The following HIVEP3 variants were observed in gnomAD, a reference collection of about 807,000 sequenced individuals.
HIVEP3 encodes the protein HIVEP zinc finger 3.
HIVEP3 carries 49 observed loss-of-function variants against 152.8 expected under a neutral mutation model. The ratio of observed to expected loss-of-function variants is 0.32; its 90% CI spans 0.26 to 0.41. The LOEUF (loss-of-function observed/expected upper bound fraction) is 0.41. Ranked by LOEUF, HIVEP3 falls within the 10% of genes least tolerant of loss-of-function variation. HIVEP3 has a pLI of 1.00. For synonymous variants in HIVEP3, 1,269 were observed against 1,289.0 expected (o/e 0.98, Z 0.33); for missense variants, 2,790 against 3,103.3 (o/e 0.90, Z 2.40).
intron 1 of HIVEP3, among the ~76,000 whole-genome samples, chr1:41,781,226 C>T (rs2124282530): frequency 6.6e-6 from 1 of 152,216 alleles, no homozygotes. Flanking sequence ...TGAAGGGGTC[C>T]CTATCTTACC....
intron 1 of HIVEP3, among the ~76,000 whole-genome samples, chr1:41,798,938 A>G (rs1469561730): frequency 6.6e-6 from 1 of 152,122 alleles, no homozygotes; most frequent in Non-Finnish European, 1.5e-5. Context: ...TGTTGACATG[A>G]AGAAATTCCT....
intron 1 of HIVEP3, among the ~76,000 whole-genome samples, chr1:41,960,403 T>C (rs1645163433): frequency 6.6e-6 from 1 of 152,094 alleles, no homozygotes; most frequent in Non-Finnish European, 1.5e-5. Context: ...GAGGCAACAG[T>C]TGCCTTAACT....
intron 2 of HIVEP3, among the ~76,000 whole-genome samples, chr1:41,674,076 C>G (rs1156729055): frequency 6.6e-6 from 1 of 152,258 alleles, no homozygotes; most frequent in Non-Finnish European, 1.5e-5. Context: ...GCCGACCTCC[C>G]CAGAGGGGCT....
intron 1 of HIVEP3, among the ~76,000 whole-genome samples, chr1:42,021,620 A>T (rs1201727153): frequency 6.6e-6 from 1 of 152,134 alleles, no homozygotes; most frequent in East Asian, 1.9e-4. Context: ...TAAACTTAGG[A>T]GTCATGTGCA....
At chr1:41,993,021 C>A (rs348130) in intron 1 of HIVEP3, among the ~76,000 whole-genome samples, 1 of 144,162 alleles carries the variant, frequency 6.9e-6, no homozygotes, top group Admixed American at 7.0e-5. Flanking sequence ...AAGACTTAAA[C>A]GTTAGACCTA....
chr1:41,946,539 T>C (rs936006362), intron 1 of HIVEP3, among the ~76,000 whole-genome samples: 1 of 152,154 alleles, frequency 6.6e-6, no homozygotes, highest in African/African-American at 2.4e-5. Context: ...TTTACTCTTT[T>C]CACATGCTTT....
chr1:41,816,452 C>T (rs979154831), intron 1 of HIVEP3, among the ~76,000 whole-genome samples: 12 of 152,118 alleles, frequency 7.9e-5, no homozygotes, highest in Non-Finnish European at 1.5e-4. Context: ...TTTGGGAGGT[C>T]GAGGTGGGTA....
At chr1:41,971,699 C>G (rs892361466) in intron 1 of HIVEP3, among the ~76,000 whole-genome samples, 3 of 152,230 alleles carry the variant, frequency 2.0e-5, no homozygotes, top group African/African-American at 7.2e-5. Flanking sequence ...AAGCCCTATT[C>G]TAAATCCACT....
chr1:41,815,043 G>C (rs187905759), intron 1 of HIVEP3, among the ~76,000 whole-genome samples: 2 of 152,204 alleles, frequency 1.3e-5, no homozygotes, highest in East Asian at 3.8e-4. Context: ...TAAATAAGAT[G>C]GTTCAGGTAA....
Position 41,508,640 on chromosome 1 carries a change from T to C in HIVEP3, c.*1811A>G, listed in dbSNP as rs1644408335. The stretch of plus-strand genomic sequence containing the variant: ...GACTGTGGCTGGTTTGTCTGTCTAG[T>C]AGGGACCAAGCAGGGAAAGGCCACG... On this transcript the variant is annotated 3_prime_UTR_variant, in exon 9 of 9. Transcript: ENST00000372583. The C allele has an allele frequency of 6.6e-6, 1 of 152,446 alleles. No homozygotes were observed. Among genetic ancestry groups the C allele is most frequent in the South Asian group, 2.1e-4 (1 of 4,826 alleles). The allele number at this position is 152,446 out of a possible 1,614,324, so 9.4% of individuals were successfully genotyped here. A position where few individuals can be genotyped will look rare whatever the true frequency, so the allele number is the denominator to read the frequency against.
intron 1 of HIVEP3, among the ~76,000 whole-genome samples, chr1:41,884,933 A>C (rs1294724712): frequency 6.6e-6 from 1 of 152,150 alleles, no homozygotes; most frequent in Admixed American, 6.5e-5. Context: ...TAGCCCAACC[A>C]TTCCTCTTCA....
intron 1 of HIVEP3, among the ~76,000 whole-genome samples, chr1:42,002,257 G>C (rs1225147678): frequency 6.6e-6 from 1 of 152,156 alleles, no homozygotes; most frequent in Non-Finnish European, 1.5e-5. Context: ...TCTATCAGCA[G>C]ATACCTTCAG....
intron 1 of HIVEP3, among the ~76,000 whole-genome samples, chr1:42,027,051 T>G (rs2124538617): frequency 6.6e-6 from 1 of 152,350 alleles, no homozygotes; most frequent in Non-Finnish European, 1.5e-5. Flanking sequence ...CTACTTTTGC[T>G]GTGAATAGAG....
At chr1:41,861,922 G>A (rs182218509) in intron 1 of HIVEP3, among the ~76,000 whole-genome samples, 7 of 152,246 alleles carry the variant, frequency 4.6e-5, no homozygotes, top group Non-Finnish European at 8.8e-5. Context: ...TGTTGGCAAC[G>A]GGAGAGAAAG....
chr1:41,544,927 CCAT>C (rs1172800918), intron 5 of HIVEP3, among the ~76,000 whole-genome samples: 1 of 105,262 alleles, frequency 9.5e-6, no homozygotes, highest in African/African-American at 4.0e-5. Context: ...TCTACCACCA[CCAT>C]CACCACCACC....
intron 1 of HIVEP3, among the ~76,000 whole-genome samples, chr1:41,859,370 T>C (rs962355227): frequency 6.6e-6 from 1 of 152,236 alleles, no homozygotes; most frequent in African/African-American, 2.4e-5. Context: ...AAAATAGATT[T>C]TCGTAAACAA....
At chr1:41,561,315 T>G (rs989730932) in intron 5 of HIVEP3, among the ~76,000 whole-genome samples, 2 of 152,154 alleles carry the variant, frequency 1.3e-5, no homozygotes, top group Non-Finnish European at 2.9e-5. Flanking sequence ...ATGAGAAAAC[T>G]GTGACCCAGA....
chr1:41,717,814 C>T (rs567141669), intron 1 of HIVEP3, among the ~76,000 whole-genome samples: 16 of 152,300 alleles, frequency 1.1e-4, no homozygotes, highest in African/African-American at 3.8e-4. Context: ...GGACCCTGGC[C>T]AGAGGATGGA....
intron 2 of HIVEP3, among the ~76,000 whole-genome samples, chr1:41,676,355 G>C (rs1014249369): frequency 6.6e-6 from 1 of 152,124 alleles, no homozygotes; most frequent in African/African-American, 2.4e-5. Flanking sequence ...CGGCAACTAG[G>C]TGTTTCTCAG....
Sources: allele counts gnomAD v4.1 joint callset (sites outside exome capture counted in the v4.1 genomes callset), GRCh38; gene constraint gnomAD v4.1.1; transcripts MANE v1.5; gene names NCBI Gene and HGNC (gene_info 2026-07-23, HGNC 2026-07-21).